SSBP3: variants seen among roughly 807,000 people sequenced by gnomAD.
SSBP3 encodes single stranded DNA binding protein 3, also known as single-stranded DNA-binding protein 3.
Under a neutral mutation model 69.6 loss-of-function variants are expected in SSBP3, and 5 were observed. The observed-to-expected ratio is 0.07, with a 90% CI of 0.04 to 0.15. SSBP3 has a LOEUF of 0.15. SSBP3 is among the 10% of genes least tolerant of loss of function. The probability of loss-of-function intolerance (pLI) is 1.00; values close to 1 mark genes in which losing one functional copy is unlikely to be tolerated. For missense variants in SSBP3, 312 were observed against 534.0 expected (o/e 0.58, Z 4.10); for synonymous variants, 196 against 193.4 (o/e 1.01, Z -0.11).
At chr1:54,339,221 C>T (rs2100509999) in intron 4 of SSBP3, among the ~76,000 whole-genome samples, 1 of 152,138 alleles carries the variant, frequency 6.6e-6, no homozygotes, top group South Asian at 2.1e-4. Flanking sequence ...TTATCTTATC[C>T]CATGGGTTAC....
intron 4 of SSBP3, among the ~76,000 whole-genome samples, chr1:54,289,401 G>A (rs1177464674): frequency 2.0e-5 from 3 of 151,912 alleles, no homozygotes; most frequent in Non-Finnish European, 2.9e-5. Context: ...GGTGGGGTGG[G>A]GGGCTGTAAA....
Position 54,299,855 on chromosome 1 carries a change from C to T in SSBP3, c.277-18328G>A, listed in dbSNP as rs944964655. 5.3e-5 allele frequency among the ~76,000 whole-genome samples: 8 copies of T among 152,324 alleles called. 1 individual carries two copies. Among genetic ancestry groups the T allele is most frequent in the African/African-American group, 1.9e-4 (8 of 41,564 alleles). ...CCTGAGGATTTTCTGCTCCTTGCCA[C>T]ACACCAGCTCAGCCGAGGCCTTCAG... On this transcript the variant is annotated intron_variant, in intron 4 of 17. Coordinates refer to ENST00000610401, the Ensembl canonical transcript of SSBP3.
intron 14 of SSBP3, among the ~76,000 whole-genome samples, chr1:54,232,944 C>T (rs1451017648): frequency 7.2e-5 from 11 of 152,136 alleles, no homozygotes; most frequent in Non-Finnish European, 1.6e-4. Flanking sequence ...CCTCCACCTC[C>T]CAGCCGCCTG....
chr1:54,247,386 G>T (rs1251358779), intron 9 of SSBP3, among the ~76,000 whole-genome samples: 1 of 152,200 alleles, frequency 6.6e-6, no homozygotes, highest in Non-Finnish European at 1.5e-5. Flanking sequence ...GCCATTTTCT[G>T]GGCAGCAGGG....
chr1:54,242,601 A>AAGTT (rs1162848514), intron 10 of SSBP3, among the ~76,000 whole-genome samples: 1 of 152,186 alleles, frequency 6.6e-6, no homozygotes, highest in Admixed American at 6.5e-5. Flanking sequence ...GAGCCTGGGC[A>AAGTT]AGTTACTTCA....
chr1:54,251,345 T>C (rs749948436), intron 9 of SSBP3, among the ~76,000 whole-genome samples: 4 of 152,020 alleles, frequency 2.6e-5, no homozygotes, highest in Non-Finnish European at 5.9e-5. Flanking sequence ...CCCAAAAGGG[T>C]CTGCCAACTA....
intron 4 of SSBP3, among the ~76,000 whole-genome samples, chr1:54,325,701 T>TA (rs1646289365): frequency 6.6e-6 from 1 of 152,244 alleles, no homozygotes; most frequent in Admixed American, 6.5e-5. Context: ...CTCTTTATAC[T>TA]AAAATCACAT....
chr1:54,228,183 T>A (rs1644319303), intron 17 of SSBP3, 72 bp downstream of exon 17: 2 of 1,400,568 alleles, frequency 1.4e-6, no homozygotes, highest in Admixed American at 1.7e-5. Flanking sequence ...CCCGGCTCCG[T>A]AGCTCGCAAC....
At chr1:54,394,693 T>TC (rs1223093948) in intron 4 of SSBP3, among the ~76,000 whole-genome samples, 1 of 141,156 alleles carries the variant, frequency 7.1e-6, no homozygotes, top group Non-Finnish European at 1.5e-5. Flanking sequence ...TCCTTAAGAC[T>TC]CCTTTTTTTT....
At chr1:54,359,428 G>T (rs1646918704) in intron 4 of SSBP3, among the ~76,000 whole-genome samples, 1 of 152,154 alleles carries the variant, frequency 6.6e-6, no homozygotes, top group African/African-American at 2.4e-5. Context: ...GTTATCGACT[G>T]ATAAAATGCT....
At chr1:54,288,773 C>T (rs1645539506) in intron 4 of SSBP3, among the ~76,000 whole-genome samples, 1 of 152,074 alleles carries the variant, frequency 6.6e-6, no homozygotes, top group Non-Finnish European at 1.5e-5. Flanking sequence ...CCACAGTCCA[C>T]TCTGGGAGGC....
intron 4 of SSBP3, among the ~76,000 whole-genome samples, chr1:54,357,762 C>G (rs1409671563): frequency 6.6e-6 from 1 of 152,240 alleles, no homozygotes; most frequent in Admixed American, 6.5e-5. Flanking sequence ...GTCCTAATGT[C>G]TTCTTTGCCA....
chr1:54,304,577 T>C (rs1489069967), intron 4 of SSBP3, among the ~76,000 whole-genome samples: 1 of 151,988 alleles, frequency 6.6e-6, no homozygotes, highest in African/African-American at 2.4e-5. Flanking sequence ...GAAGAACAGA[T>C]AACTCTGGCA....
chr1:54,334,650 G>C (rs2100478786), intron 4 of SSBP3, among the ~76,000 whole-genome samples: 1 of 152,318 alleles, frequency 6.6e-6, no homozygotes, highest in South Asian at 2.1e-4. Flanking sequence ...TCAAAGGATG[G>C]TTTTAAGAAT....
chr1:54,248,724 AATGCCAGGCTTTCCTG>A (rs1644774893), intron 9 of SSBP3, among the ~76,000 whole-genome samples: 1 of 152,094 alleles, frequency 6.6e-6, no homozygotes, highest in Non-Finnish European at 1.5e-5. Flanking sequence ...GTGCTACATC[AATGCCAGGCTTTCCTG>A]ACCCCAGTGA....
chr1:54,351,696 G>A (rs1401782525), intron 4 of SSBP3, among the ~76,000 whole-genome samples: 2 of 152,228 alleles, frequency 1.3e-5, no homozygotes, highest in Non-Finnish European at 2.9e-5. Context: ...AACAGGCCAA[G>A]CTAGCAGGGA....
At chr1:54,357,142 C>G (rs1335907417) in intron 4 of SSBP3, among the ~76,000 whole-genome samples, 2 of 152,056 alleles carry the variant, frequency 1.3e-5, no homozygotes, top group African/African-American at 4.8e-5. Context: ...TGAGAGGAGA[C>G]AGAAGGCCAA....
Position 54,386,683 on chromosome 1 carries a change from C to CTTTTTTTTTTTTTTTTTT in SSBP3, c.276+15160_276+15177dup, listed in dbSNP as rs58429798. ...ATCCACAATGTATAAACTGATCCTA[C>CTTTTTTTTTTTTTTTTTT]TTTTTTTTTTTTTTTTTTTTTAAGA... On this transcript the variant is annotated intron_variant, in intron 4 of 17. Transcript: ENST00000610401. Among the ~76,000 whole-genome samples, 703 of 76,044 alleles carry CTTTTTTTTTTTTTTTTTT rather than the reference C, an allele frequency of 9.2e-3. 170 individuals are homozygous for CTTTTTTTTTTTTTTTTTT. Among genetic ancestry groups the CTTTTTTTTTTTTTTTTTT allele is most frequent in the African/African-American group, 0.036 (530 of 14,560 alleles). The allele number at this position is 76,044 out of a possible 152,430, so 49.9% of individuals were successfully genotyped here. A position where few individuals can be genotyped will look rare whatever the true frequency, so the allele number is the denominator to read the frequency against.
Position 54,269,621 on chromosome 1 carries a change from G to A in SSBP3, c.367-11472C>T, listed in dbSNP as rs142385140. Among the ~76,000 whole-genome samples, 1,148 of 152,346 alleles carry A rather than the reference G, an allele frequency of 7.5e-3. 7 individuals are homozygous for A. The highest frequency in any genetic ancestry group is 0.014 in the Middle Eastern group (4 of 294). The stretch of plus-strand genomic sequence containing the variant: ...TGGGCCAAGGAAAGGGCAAGACTTT[G>A]TCAAAGTATTCTTGAATAAAAGTGA... On this transcript the variant is annotated intron_variant, in intron 5 of 17. Transcript: ENST00000610401.
Sources: gnomAD v4.1 joint callset for allele counts (sites outside exome capture counted in the v4.1 genomes callset) on GRCh38, gnomAD v4.1.1 for gene constraint, MANE v1.5 for transcripts, NCBI Gene and HGNC (gene_info 2026-07-23, HGNC 2026-07-21) for gene names.